ANO2: variants seen among roughly 807,000 people sequenced by gnomAD.
The protein encoded by ANO2 is anoctamin-2.
A neutral mutation model predicts 124.2 loss-of-function variants in ANO2; 101 were observed. That is an observed-to-expected ratio of 0.81 (90% CI 0.69 to 0.96). ANO2 has a LOEUF of 0.96. Ranked by LOEUF, ANO2 falls within the 40% of genes least tolerant of loss-of-function variation. The probability of loss-of-function intolerance (pLI) is 0.00; values close to 1 mark genes in which losing one functional copy is unlikely to be tolerated. For synonymous variants in ANO2, 486 were observed against 482.5 expected, an observed-to-expected ratio of 1.01 and a Z score of -0.09; for missense variants, 1,293 against 1,274.5, an observed-to-expected ratio of 1.01 and a Z score of -0.22.
chr12:5,637,275 A>G (rs867696397), intron 15 of ANO2, among the ~76,000 whole-genome samples: 1 of 151,934 alleles, frequency 6.6e-6, no homozygotes. Flanking sequence ...TCACTTTTGC[A>G]GTGAAGACCA....
At chr12:5,620,875 G>A (rs1377183076) in intron 16 of ANO2, among the ~76,000 whole-genome samples, 1 of 152,070 alleles carries the variant, frequency 6.6e-6, no homozygotes, top group Non-Finnish European at 1.5e-5. Context: ...CTATAGTTAT[G>A]TATGTTAGCA....
Position 5,578,395 on chromosome 12 carries a change from C to T in ANO2, c.2357G>A (p.Arg786Gln), listed in dbSNP as rs556140390. ...ATCTTTGGTTCTTACAGCATCCGGCCGTCTCAGCTCTGTAACAAACTTCTT... is the reference window on the plus strand; with the variant it reads ...ATCTTTGGTTCTTACAGCATCCGGCTGTCTCAGCTCTGTAACAAACTTCTT... ...DAKKFVTELR[R>Q]PDAVRTKDIG... The change falls in exon 21 of 25, where the codon CGG becomes CAG. Residue 786 changes from arginine to glutamine, a missense_variant. Arg to Gln is a conservative substitution (Grantham distance 43, BLOSUM62 1). Transcript: ENST00000682330. 33 of 1,613,944 alleles carry T rather than the reference C, an allele frequency of 2.0e-5. No homozygotes were observed. The highest frequency in any genetic ancestry group is 3.3e-4 in the Middle Eastern group (2 of 6,056).
chr12:5,706,204 G>A (rs1445308901), intron 14 of ANO2, among the ~76,000 whole-genome samples: 1 of 152,146 alleles, frequency 6.6e-6, no homozygotes, highest in Non-Finnish European at 1.5e-5. Context: ...TCCACCAACA[G>A]AACAAATACA....
chr12:5,906,113 G>A (rs1020135721), intron 3 of ANO2, among the ~76,000 whole-genome samples: 2 of 152,092 alleles, frequency 1.3e-5, no homozygotes, highest in African/African-American at 4.8e-5. Context: ...TTCAGTGCAG[G>A]AAAAGGATAG....
intron 14 of ANO2, among the ~76,000 whole-genome samples, chr12:5,697,574 G>C (rs1949235127): frequency 6.6e-6 from 1 of 152,228 alleles, no homozygotes; most frequent in South Asian, 2.1e-4. Context: ...GAGGTACCGG[G>C]TTCATCTCAC....
At chr12:5,692,187 T>A (rs565296478) in intron 14 of ANO2, among the ~76,000 whole-genome samples, 1 of 152,224 alleles carries the variant, frequency 6.6e-6, no homozygotes, top group South Asian at 2.1e-4. Context: ...AGGTTCGCAG[T>A]ATGAACAGAG....
chr12:5,733,066 G>T, intron 13 of ANO2: 1 of 665,620 alleles, frequency 1.5e-6, no homozygotes, highest in South Asian at 1.8e-5. Flanking sequence ...AGAAACAGAT[G>T]TGCCCCACAG....
chr12:5,635,116 G>T lies in ANO2; in HGVS notation c.1816+36C>A. 1 of 1,512,934 alleles carries T rather than the reference G, an allele frequency of 6.6e-7. No individual in the cohort carries two copies. 93.7% of individuals were successfully genotyped at this position (1,512,934 alleles called of 1,614,324 possible). A position where few individuals can be genotyped will look rare whatever the true frequency, so the allele number is the denominator to read the frequency against. The stretch of plus-strand genomic sequence containing the variant: ...GCCTTGCACGCATTGACTTAAAGAG[G>T]GCCTAGGACAGCCAGAAGTCTCGGT... On this transcript the variant is annotated intron_variant, in intron 16 of 24. Transcript: ENST00000682330. The surrounding 1 kb of genome is among the most constrained non-coding windows in gnomAD (Gnocchi z 5.2).
chr12:5,622,949 G>A (rs1394436751), intron 16 of ANO2, among the ~76,000 whole-genome samples: 2 of 143,966 alleles, frequency 1.4e-5, no homozygotes, highest in Non-Finnish European at 3.0e-5. Context: ...GGACAACGAT[G>A]CAAGGCTCTG....
chr12:5,703,464 T>C (rs910953106), intron 14 of ANO2, among the ~76,000 whole-genome samples: 1 of 152,216 alleles, frequency 6.6e-6, no homozygotes, highest in Non-Finnish European at 1.5e-5. Context: ...TTATAAATGA[T>C]CTGAAGCTAA....
intron 7 of ANO2, among the ~76,000 whole-genome samples, chr12:5,818,823 T>C (rs886306453): frequency 6.6e-6 from 1 of 152,158 alleles, no homozygotes; most frequent in South Asian, 2.1e-4. Flanking sequence ...CCTTTGACCA[T>C]ATGCAGGGAA....
chr12:5,858,298 T>G (rs144446019), intron 3 of ANO2, among the ~76,000 whole-genome samples: 10 of 152,312 alleles, frequency 6.6e-5, no homozygotes, highest in African/African-American at 2.4e-4. Context: ...CATAAGTATG[T>G]ACAGTTACAT....
intron 10 of ANO2, among the ~76,000 whole-genome samples, chr12:5,763,920 AAAGAT>A (rs1363625652): frequency 4.6e-5 from 7 of 152,202 alleles, no homozygotes. Context: ...CAAGAAAATA[AAAGAT>A]AAGATAGAAA....
intron 10 of ANO2, among the ~76,000 whole-genome samples, chr12:5,765,008 T>G (rs564815268): frequency 6.6e-6 from 1 of 152,194 alleles, no homozygotes; most frequent in Non-Finnish European, 1.5e-5. Flanking sequence ...ATATAAACAG[T>G]TGACTATTCT....
intron 10 of ANO2, among the ~76,000 whole-genome samples, chr12:5,771,876 A>G (rs774794179): frequency 2.6e-4 from 40 of 152,352 alleles, no homozygotes; most frequent in Admixed American, 5.2e-4. Context: ...TATCTGTTCC[A>G]GTTTTTATTT....
Position 5,615,679 on chromosome 12 carries a change from C to A in ANO2, c.1817-382G>T, listed in dbSNP as rs140371168. Among the ~76,000 whole-genome samples the A allele has an allele frequency of 3.1e-4, 47 of 152,210 alleles. 1 individual carries two copies. The East Asian group carries it at 8.7e-3, about 28-fold the overall frequency. On this transcript the variant is annotated intron_variant, in intron 16 of 24. Transcript: ENST00000682330. Reference sequence around the variant, plus strand: ...TCATTTCCACTTCCATGAGATTTTACTTGAACCAAGGTCCCTGGTCAAAAA... The same window carrying A: ...TCATTTCCACTTCCATGAGATTTTAATTGAACCAAGGTCCCTGGTCAAAAA...
intron 13 of ANO2, chr12:5,732,961 G>A: frequency 1.3e-6 from 2 of 1,515,270 alleles, no homozygotes; most frequent in South Asian, 1.1e-5. Context: ...GCTTTGCAGA[G>A]CAGTTTCACC....
At position 5,832,569 on chromosome 12, in the gene ANO2, T is replaced by C; in HGVS notation, c.668A>G (p.Lys223Arg). 2 of 1,613,952 alleles carry C rather than the reference T, an allele frequency of 1.2e-6. No individual in the cohort carries two copies. The highest frequency in any genetic ancestry group is 1.7e-6 in the Non-Finnish European group (2 of 1,179,864). Residue 223 changes from lysine (K) to arginine (R), a missense_variant, in exon 5 of 25, where the codon AAG becomes AGG. Physicochemically the swap from Lys to Arg is conservative, Grantham distance 26. Coordinates refer to ENST00000682330, the MANE Select transcript of ANO2 (RefSeq NM_001364791.2). ...CTTCTGCAGAGCCGCGCTGAACTTC[T>C]TTGCAATGCTGCCTCCTGCTTTGAT... ...YEIKAGGSIA[K>R]KFSAALQKLS... is the part of the protein sequence containing the mutation.
intron 10 of ANO2, among the ~76,000 whole-genome samples, chr12:5,778,895 A>G (rs1207854166): frequency 1.3e-5 from 2 of 152,246 alleles, no homozygotes; most frequent in Admixed American, 1.3e-4. Flanking sequence ...TCCCTCTCAG[A>G]AGAGTGTAAG....
Sources: allele counts gnomAD v4.1 joint callset (sites outside exome capture counted in the v4.1 genomes callset), GRCh38; gene constraint gnomAD v4.1.1; non-coding constraint Gnocchi (gnomAD v3.1); transcripts MANE v1.5; gene names NCBI Gene and HGNC (gene_info 2026-07-23, HGNC 2026-07-21).